The following ACVR2A variants were observed in gnomAD, a reference collection of about 807,000 sequenced individuals.
ACVR2A encodes activin A receptor type 2A.
Under a neutral mutation model 61.4 loss-of-function variants are expected in ACVR2A, and 7 were observed. That is an observed-to-expected ratio of 0.11 (90% CI 0.06 to 0.21). ACVR2A has a LOEUF of 0.21. ACVR2A is among the 10% of genes least tolerant of loss of function. ACVR2A has a pLI of 1.00. For synonymous variants in ACVR2A, 193 were observed against 208.3 expected (o/e 0.93, Z 0.63); for missense variants, 322 against 621.7 (o/e 0.52, Z 5.13).
rs755448542 is a variant in ACVR2A at position 147,898,866 on chromosome 2, G to A, written c.264-592G>A. ...ACTTATTGCTGCTCATCTCAACCCT[G>A]TTCATTGCATTCAGGGAATTTAAAT... On this transcript the variant is annotated intron_variant, in intron 2 of 10. Transcript: ENST00000241416. Among the ~76,000 whole-genome samples, 54 of 151,574 alleles carry A rather than the reference G, an allele frequency of 3.6e-4. 1 individual carries two copies. The highest frequency in any genetic ancestry group is 3.9e-4 in the Admixed American group (6 of 15,228).
chr2:147,877,232 A>G (rs938570295), intron 1 of ACVR2A, among the ~76,000 whole-genome samples: 1 of 152,180 alleles, frequency 6.6e-6, no homozygotes, highest in Non-Finnish European at 1.5e-5. Context: ...TTATGTTTAA[A>G]TGTTTCACTA....
In ACVR2A at chr2:147,927,436, T is replaced by TA. The variant is rs1457339077; in HGVS notation, c.*163dup. 6.1e-6 allele frequency: 4 copies of TA among 656,214 alleles called. No homozygotes were observed. Among genetic ancestry groups the TA allele is most frequent in the African/African-American group, 1.9e-5 (1 of 53,252 alleles). The allele number at this position is 656,214 out of a possible 1,614,324, so 40.6% of individuals were successfully genotyped here. On this transcript the variant is annotated 3_prime_UTR_variant, in exon 11 of 11. Transcript: ENST00000241416. ...TTGAAAAATGTTGCTCTGGGAGACT[T>TA]ACTGCATTGCCGACAGCACAGATGT...
intron 9 of ACVR2A, among the ~76,000 whole-genome samples, chr2:147,924,356 C>G (rs1349156328): frequency 6.6e-6 from 1 of 151,912 alleles, no homozygotes; most frequent in African/African-American, 2.4e-5. Context: ...TAAAATATAT[C>G]CTGGACAATT....
chr2:147,869,207 T>G lies in ACVR2A; in HGVS notation c.55+24000T>G, dbSNP rs544154954. Among the ~76,000 whole-genome samples, 24 of 152,338 alleles carry G rather than the reference T, an allele frequency of 1.6e-4. No homozygotes were observed. In the South Asian group the frequency reaches 4.6e-3, roughly 29 times the overall value. On this transcript the variant is annotated intron_variant, in intron 1 of 10. Transcript: ENST00000241416. Reference sequence around the variant, plus strand: ...TTCCTTAGAAAACTTTCTACATTTGTTTCCTTTTGGCTGGTAACTTGCTGT... The same window carrying G: ...TTCCTTAGAAAACTTTCTACATTTGGTTCCTTTTGGCTGGTAACTTGCTGT...
At chr2:147,924,856 G>A (rs1246420557) in intron 9 of ACVR2A, among the ~76,000 whole-genome samples, 2 of 151,898 alleles carry the variant, frequency 1.3e-5, no homozygotes, top group Non-Finnish European at 2.9e-5. Context: ...CCAGTTGACG[G>A]CAGTGTTGCT....
intron 1 of ACVR2A, among the ~76,000 whole-genome samples, chr2:147,871,077 G>A (rs1258871488): frequency 6.6e-6 from 1 of 152,054 alleles, no homozygotes; most frequent in African/African-American, 2.4e-5. Context: ...TTCTTTTGGT[G>A]TGTTTCCATA....
intron 9 of ACVR2A, 94 bp downstream of exon 9, chr2:147,923,205 A>G: frequency 2.2e-6 from 3 of 1,387,318 alleles, no homozygotes; most frequent in Non-Finnish European, 2.9e-6. Flanking sequence ...TTTAAAGTAC[A>G]GTTTTTTTTT....
In ACVR2A at chr2:147,929,573, A is replaced by G. The variant is rs1235245031; in HGVS notation, c.*2299A>G. 6.6e-6 allele frequency: 1 copy of G among 152,456 alleles called. No individual in the cohort carries two copies. The highest frequency in any genetic ancestry group is 1.5e-5 in the Non-Finnish European group (1 of 67,982). 9.4% of individuals were successfully genotyped at this position (152,456 alleles called of 1,614,324 possible). ...TATTCTTTTGAGAACTATTATTAAT[A>G]GAAAAACTTTTTATAAGCAGTAAAA... is the stretch of plus-strand genomic sequence containing the variant. On this transcript the variant is annotated 3_prime_UTR_variant, in exon 11 of 11. Coordinates refer to ENST00000241416, the MANE Select transcript of ACVR2A (RefSeq NM_001616.5).
At position 147,909,048 on chromosome 2, in the gene ACVR2A, T is replaced by C. The variant is rs970779648; in HGVS notation, c.529-6143T>C. Among the ~76,000 whole-genome samples the C allele has an allele frequency of 3.9e-5, 6 of 152,182 alleles. No individual in the cohort carries two copies. In the East Asian group the frequency reaches 1.2e-3, roughly 29 times the overall value. ...AGCACTTACCATTCACAGGTAGTGA[T>C]TGTCTCTCACAAACCTGGTTCTCAG... On this transcript the variant is annotated intron_variant, in intron 4 of 10. Transcript: ENST00000241416.
At chr2:147,855,171 C>T (rs557144350) in intron 1 of ACVR2A, among the ~76,000 whole-genome samples, 24 of 152,266 alleles carry the variant, frequency 1.6e-4, no homozygotes, top group South Asian at 1.5e-3. Context: ...TGAGCCACCG[C>T]GCCTGGCCTA....
chr2:147,909,970 T>C (rs1019327778), intron 4 of ACVR2A, among the ~76,000 whole-genome samples: 1 of 152,204 alleles, frequency 6.6e-6, no homozygotes, highest in Non-Finnish European at 1.5e-5. Flanking sequence ...ACCGCTCTTA[T>C]TTTGTCATGT....
intron 1 of ACVR2A, among the ~76,000 whole-genome samples, chr2:147,862,607 G>T (rs112574221): frequency 8.4e-4 from 127 of 152,064 alleles, no homozygotes; most frequent in African/African-American, 2.9e-3. Flanking sequence ...AGCCGGGTGT[G>T]GTAGCACACA....
rs1687591895 is a variant in ACVR2A, at chr2:147,929,222, C to CAA, written c.*1950_*1951dup. On this transcript the variant is annotated 3_prime_UTR_variant, in exon 11 of 11. Transcript: ENST00000241416. The stretch of plus-strand genomic sequence containing the variant: ...ATGTTGAGTTCACCTCTTTATTTCA[C>CAA]AAAGTACTTGGTCTCTCAATTTCTT... 1 of 151,954 alleles carries CAA rather than the reference C, an allele frequency of 6.6e-6. No homozygotes were observed. The highest frequency in any genetic ancestry group is 2.4e-5 in the African/African-American group (1 of 41,386). 9.4% of individuals were successfully genotyped at this position (151,954 alleles called of 1,614,324 possible). A position where few individuals can be genotyped will look rare whatever the true frequency, so the allele number is the denominator to read the frequency against.
chr2:147,907,636 T>C lies in ACVR2A; in HGVS notation c.529-7555T>C, dbSNP rs568879225. Reference sequence around the variant, plus strand: ...GAAGTGACTTGGCTTAGAGTCACCCTAGTGGGTGGCAAAGCCTGGGCATTT... The same window carrying C: ...GAAGTGACTTGGCTTAGAGTCACCCCAGTGGGTGGCAAAGCCTGGGCATTT... On this transcript the variant is annotated intron_variant, in intron 4 of 10. Coordinates refer to ENST00000241416, the MANE Select transcript of ACVR2A (RefSeq NM_001616.5). Among the ~76,000 whole-genome samples, 4 of 152,336 alleles carry C rather than the reference T, an allele frequency of 2.6e-5. 1 individual carries two copies. The South Asian group carries it at 8.3e-4, about 32-fold the overall frequency.
chr2:147,908,441 A>C (rs938680976), intron 4 of ACVR2A, among the ~76,000 whole-genome samples: 2 of 152,140 alleles, frequency 1.3e-5, no homozygotes, highest in African/African-American at 2.4e-5. Context: ...TTTCCTTTCA[A>C]GAGGAGTAAG....
intron 1 of ACVR2A, among the ~76,000 whole-genome samples, chr2:147,846,005 T>C (rs1490679189): frequency 2.6e-5 from 4 of 152,220 alleles, no homozygotes; most frequent in Admixed American, 1.3e-4. Flanking sequence ...AAATAGGTTT[T>C]AGCTCAAGGT....
chr2:147,897,410 A>G (rs1686764502), intron 2 of ACVR2A, among the ~76,000 whole-genome samples: 1 of 152,144 alleles, frequency 6.6e-6, no homozygotes, highest in Non-Finnish European at 1.5e-5. Context: ...CTGGAAGTAA[A>G]ATACAGTGGT....
chr2:147,849,062 C>G lies in ACVR2A; in HGVS notation c.55+3855C>G, dbSNP rs536446200. ...ACATTCTTTCATCCTTGATGAAATGCTTGAGAATTCACCAGTATAGTATAA... is the reference window on the plus strand; with the variant it reads ...ACATTCTTTCATCCTTGATGAAATGGTTGAGAATTCACCAGTATAGTATAA... On this transcript the variant is annotated intron_variant, in intron 1 of 10. Transcript: ENST00000241416. Among the ~76,000 whole-genome samples the G allele has an allele frequency of 3.7e-4, 56 of 152,152 alleles. No homozygotes were observed. The South Asian group carries it at 0.011, about 31-fold the overall frequency.
chr2:147,888,142 T>C (rs1326079929), intron 1 of ACVR2A, among the ~76,000 whole-genome samples: 5 of 152,216 alleles, frequency 3.3e-5, no homozygotes, highest in African/African-American at 7.2e-5. Flanking sequence ...TATGTAGATC[T>C]CTTTCTGGGT....
Sources: allele counts gnomAD v4.1 joint callset (sites outside exome capture counted in the v4.1 genomes callset), GRCh38; gene constraint gnomAD v4.1.1; transcripts MANE v1.5; gene names NCBI Gene and HGNC (gene_info 2026-07-23, HGNC 2026-07-21).